SDK1: variants seen among roughly 807,000 people sequenced by gnomAD.
SDK1 encodes the protein sidekick cell adhesion molecule 1, also known as protein sidekick-1.
A neutral mutation model predicts 245.5 loss-of-function variants in SDK1; 157 were observed. That is an observed-to-expected ratio of 0.64 (90% CI 0.56 to 0.73). SDK1 has a LOEUF of 0.73. SDK1 is among the 30% of genes least tolerant of loss of function. SDK1 has a pLI of 0.00. For synonymous variants in SDK1, 1,647 were observed against 1,278.5 expected, an observed-to-expected ratio of 1.29 and a Z score of -6.15; for missense variants, 3,583 against 3,002.3, an observed-to-expected ratio of 1.19 and a Z score of -4.52.
At chr7:3,965,094 T>C (rs191415487) in intron 9 of SDK1, among the ~76,000 whole-genome samples, 7 of 152,292 alleles carry the variant, frequency 4.6e-5, no homozygotes, top group Admixed American at 4.6e-4. Context: ...TTTTTGGCTT[T>C]GAAGGATGTG....
chr7:3,434,631 A>C (rs1779966363), intron 1 of SDK1, among the ~76,000 whole-genome samples: 1 of 152,178 alleles, frequency 6.6e-6, no homozygotes, highest in South Asian at 2.1e-4. Flanking sequence ...TTTGCCAGCT[A>C]AGTAACCAAG....
chr7:4,223,193 A>G (rs1391151045), intron 40 of SDK1, among the ~76,000 whole-genome samples: 2 of 152,208 alleles, frequency 1.3e-5, no homozygotes, highest in Non-Finnish European at 2.9e-5. Flanking sequence ...GATATAACAA[A>G]TAGGATCCAG....
intron 4 of SDK1, among the ~76,000 whole-genome samples, chr7:3,759,334 C>G (rs1773069153): frequency 6.6e-6 from 1 of 152,060 alleles, no homozygotes; most frequent in African/African-American, 2.4e-5. Context: ...ATCATAGAAA[C>G]ATTTTTAAAA....
intron 14 of SDK1, among the ~76,000 whole-genome samples, chr7:3,989,334 G>C (rs1784115346): frequency 6.6e-6 from 1 of 152,122 alleles, no homozygotes; most frequent in Non-Finnish European, 1.5e-5. Context: ...CTTGCTGTCA[G>C]GGGAACAGCA....
chr7:3,917,579 G>T (rs1457548097), intron 5 of SDK1, among the ~76,000 whole-genome samples: 2 of 152,308 alleles, frequency 1.3e-5, no homozygotes, highest in East Asian at 3.9e-4. Flanking sequence ...GGAAGTGGGG[G>T]TGTGGGCAGT....
chr7:3,799,442 C>T (rs908059819), intron 4 of SDK1, among the ~76,000 whole-genome samples: 1 of 151,812 alleles, frequency 6.6e-6, no homozygotes, highest in Non-Finnish European at 1.5e-5. Flanking sequence ...CAGTGGCTCA[C>T]GTCTGTAATC....
chr7:4,136,055 C>G (rs976086856), intron 28 of SDK1, among the ~76,000 whole-genome samples: 76 of 152,176 alleles, frequency 5.0e-4, no homozygotes, highest in Admixed American at 4.9e-3. Flanking sequence ...TTTGTGGTCA[C>G]TGAAAGCCAC....
At chr7:3,920,405 A>T (rs1291022612) in intron 5 of SDK1, among the ~76,000 whole-genome samples, 1 of 152,096 alleles carries the variant, frequency 6.6e-6, no homozygotes, top group Non-Finnish European at 1.5e-5. Flanking sequence ...GGGAAGGTCA[A>T]GGTCAAGGTC....
intron 4 of SDK1, among the ~76,000 whole-genome samples, chr7:3,820,651 A>C (rs190176673): frequency 1.3e-5 from 2 of 152,194 alleles, no homozygotes; most frequent in Non-Finnish European, 2.9e-5. Context: ...TGATTGGATG[A>C]GTATTAATCT....
intron 4 of SDK1, among the ~76,000 whole-genome samples, chr7:3,678,974 A>C (rs1682473098): frequency 6.6e-6 from 1 of 152,218 alleles, no homozygotes; most frequent in Non-Finnish European, 1.5e-5. Context: ...GAGAGATTTA[A>C]ATGTAAAATG....
chr7:4,112,457 T>C (rs1062213), intron 23 of SDK1, among the ~76,000 whole-genome samples: 32,083 of 152,184 alleles, frequency 0.21, 3,520 homozygotes, highest in Middle Eastern at 0.3. Context: ...CCCCTCATTC[T>C]TCTCCTGAAC....
chr7:3,550,666 G>A (rs541462038), intron 1 of SDK1, among the ~76,000 whole-genome samples: 6 of 152,234 alleles, frequency 3.9e-5, no homozygotes, highest in African/African-American at 1.2e-4. Context: ...TGACAGATGT[G>A]TTCAGAAATT....
chr7:4,115,716 C>G (rs1338093039), intron 25 of SDK1, among the ~76,000 whole-genome samples: 1 of 152,170 alleles, frequency 6.6e-6, no homozygotes, highest in East Asian at 1.9e-4. Flanking sequence ...CGGAAATGCC[C>G]CGGATCTGCC....
intron 5 of SDK1, among the ~76,000 whole-genome samples, chr7:3,827,263 G>A (rs1779798960): frequency 6.6e-6 from 1 of 152,134 alleles, no homozygotes; most frequent in South Asian, 2.1e-4. Context: ...GCGTAGGCAG[G>A]CATGTAAAAT....
At chr7:3,510,820 T>G (rs779283440) in intron 1 of SDK1, among the ~76,000 whole-genome samples, 1 of 152,224 alleles carries the variant, frequency 6.6e-6, no homozygotes, top group Middle Eastern at 3.2e-3. Context: ...GGAGATTCTC[T>G]GTAGATGTAA....
chr7:3,934,522 A>G lies in SDK1; in HGVS notation c.848-16401A>G, dbSNP rs78714789. On this transcript the variant is annotated intron_variant, in intron 5 of 44. Transcript: ENST00000404826. Reference sequence around the variant, plus strand: ...AAAATGTGCATGCAAAATTCTTGACATGAGGAAGTTGTAGGAACAGGTGTT... The same window carrying G: ...AAAATGTGCATGCAAAATTCTTGACGTGAGGAAGTTGTAGGAACAGGTGTT... Among the ~76,000 whole-genome samples the G allele has an allele frequency of 3.9e-5, 6 of 152,372 alleles. No homozygotes were observed. The East Asian group carries it at 1.2e-3, about 29-fold the overall frequency.
At chr7:3,304,788 C>T (rs1207386553) in intron 1 of SDK1, among the ~76,000 whole-genome samples, 1 of 152,178 alleles carries the variant, frequency 6.6e-6, no homozygotes. Flanking sequence ...CCTGGAAACT[C>T]TCTAGCCCAG....
intron 5 of SDK1, among the ~76,000 whole-genome samples, chr7:3,855,735 C>G (rs893092971): frequency 6.6e-6 from 1 of 152,036 alleles, no homozygotes; most frequent in African/African-American, 2.4e-5. Flanking sequence ...AAAAGAGAAA[C>G]AAACAAAAAA....
intron 35 of SDK1, among the ~76,000 whole-genome samples, chr7:4,193,372 TTA>T (rs10536828): frequency 0.45 from 45,885 of 102,544 alleles, 8,727 homozygotes; most frequent in East Asian, 0.68. Flanking sequence ...ATTAAAATAT[TTA>T]TATATATATA....
Sources: gnomAD v4.1 joint callset for allele counts (sites outside exome capture counted in the v4.1 genomes callset) on GRCh38, gnomAD v4.1.1 for gene constraint, MANE v1.5 for transcripts, NCBI Gene and HGNC (gene_info 2026-07-23, HGNC 2026-07-21) for gene names.